RASGEF1C: variants seen among roughly 807,000 people sequenced by gnomAD.
RASGEF1C encodes the protein RasGEF domain family member 1C.
RASGEF1C carries 27 observed loss-of-function variants against 58.1 expected under a neutral mutation model. The observed-to-expected ratio is 0.46, with a 90% CI of 0.34 to 0.64. The LOEUF (loss-of-function observed/expected upper bound fraction) is 0.64, where lower values mean the gene tolerates loss of function less well. Ranked by LOEUF, RASGEF1C falls within the 30% of genes least tolerant of loss-of-function variation. The probability of loss-of-function intolerance (pLI) is 0.01; values close to 1 mark genes in which losing one functional copy is unlikely to be tolerated. For missense variants in RASGEF1C, 502 were observed against 605.1 expected (o/e 0.83, Z 1.79); for synonymous variants, 243 against 246.3 (o/e 0.99, Z 0.13).
rs377090212 is a variant in RASGEF1C, at chr5:180,115,265, C to T, written c.1084-724G>A. The T allele has an allele frequency of 7.7e-3, 3,364 of 436,384 alleles. 59 individuals are homozygous for T. Among genetic ancestry groups the T allele is most frequent in the Middle Eastern group, 0.043 (124 of 2,912 alleles). The allele number at this position is 436,384 out of a possible 1,614,324, so 27.0% of individuals were successfully genotyped here. A position where few individuals can be genotyped will look rare whatever the true frequency, so the allele number is the denominator to read the frequency against. ...TCCTGACCTTGTGATCTGCTCGCCT[C>T]GGCCTCCCAAGGTGGCCTCCTTTTT... On this transcript the variant is annotated intron_variant, in intron 10 of 13. Coordinates refer to ENST00000361132, the MANE Select transcript of RASGEF1C (RefSeq NM_175062.4).
rs372859282 is a variant in RASGEF1C at position 180,143,162 on chromosome 5, CAG to C, written c.-6-5106_-6-5105del. ...TCAGGTCTGCAGAGAGACAGGCAGA[CAG>C]GGGACAGGATCCCACGTGCCACCCT... On this transcript the variant is annotated intron_variant, in intron 1 of 13. Transcript: ENST00000361132. The surrounding 1 kb of genome is among the most constrained non-coding windows in gnomAD (Gnocchi z 4.3). 2.4e-3 allele frequency among the ~76,000 whole-genome samples: 373 copies of C among 152,272 alleles called. 1 individual carries two copies. Among genetic ancestry groups the C allele is most frequent in the African/African-American group, 4.7e-3 (197 of 41,564 alleles).
chr5:180,119,729 C>T (rs759950707), intron 7 of RASGEF1C, among the ~76,000 whole-genome samples: 7 of 152,086 alleles, frequency 4.6e-5, no homozygotes, highest in Non-Finnish European at 1.0e-4. Flanking sequence ...TCCCCTCCAG[C>T]GCCCTCCTCC....
At chr5:180,175,816 G>C (rs1381296186) in intron 1 of RASGEF1C, among the ~76,000 whole-genome samples, 1 of 152,234 alleles carries the variant, frequency 6.6e-6, no homozygotes, top group Middle Eastern at 3.4e-3. Flanking sequence ...GGCTAACCCC[G>C]TCTCTAGTAA....
intron 1 of RASGEF1C, among the ~76,000 whole-genome samples, chr5:180,196,509 A>G (rs77462188): frequency 0.08 from 12,112 of 151,736 alleles, 766 homozygotes; most frequent in African/African-American, 0.17. Flanking sequence ...AAAAAAGAAA[A>G]AAAAAGAAAA....
intron 1 of RASGEF1C, among the ~76,000 whole-genome samples, chr5:180,159,277 G>C (rs7737444): frequency 0.44 from 67,214 of 151,276 alleles, 15,134 homozygotes; most frequent in African/African-American, 0.47. Flanking sequence ...GTAGCTGGGA[G>C]TACAGGCGTG....
At chr5:180,110,281 C>G (rs945728933) in intron 12 of RASGEF1C, among the ~76,000 whole-genome samples, 1 of 152,006 alleles carries the variant, frequency 6.6e-6, no homozygotes, top group African/African-American at 2.4e-5. Flanking sequence ...AGGGAGGTGG[C>G]TACAGATAGG....
At chr5:180,129,871 GC>G (rs34409819) in intron 4 of RASGEF1C, among the ~76,000 whole-genome samples, 39,305 of 152,128 alleles carry the variant, frequency 0.26, 6,303 homozygotes, top group East Asian at 0.47. Context: ...CAGTCTGATG[GC>G]ACTTCCTTGG....
intron 10 of RASGEF1C, among the ~76,000 whole-genome samples, chr5:180,115,856 G>C (rs188868635): frequency 6.6e-6 from 1 of 152,034 alleles, no homozygotes; most frequent in Admixed American, 6.6e-5. Flanking sequence ...CACTGTGCCG[G>C]GATCAGTGGT....
chr5:180,127,648 G>C lies in RASGEF1C; in HGVS notation c.675C>G (p.Val225=). 6.2e-7 allele frequency: 1 copy of C among 1,613,338 alleles called. No individual in the cohort carries two copies. Among genetic ancestry groups the C allele is most frequent in the Non-Finnish European group, 8.5e-7 (1 of 1,179,784 alleles). Reference sequence around the variant, plus strand: ...GAGGGTCCTTGTTCACAAAGGCCTGGACAAACTCCTCAGGCCCGATGTGCC... The same window carrying C: ...GAGGGTCCTTGTTCACAAAGGCCTGCACAAACTCCTCAGGCCCGATGTGCC... The part of the protein sequence containing the change: ...RLRHIGPEEF[V]QAFVNKDPLA... Residue 225 remains valine, a synonymous_variant, in exon 6 of 14, where the codon GTC becomes GTG. Transcript: ENST00000361132.
chr5:180,176,720 C>A (rs1407341791), intron 1 of RASGEF1C, among the ~76,000 whole-genome samples: 1 of 152,080 alleles, frequency 6.6e-6, no homozygotes, highest in Non-Finnish European at 1.5e-5. Flanking sequence ...CCATGCCCGG[C>A]TAATTTTTTG....
At chr5:180,164,375 A>T (rs1476972303) in intron 1 of RASGEF1C, among the ~76,000 whole-genome samples, 2 of 152,212 alleles carry the variant, frequency 1.3e-5, no homozygotes, top group Non-Finnish European at 2.9e-5. Flanking sequence ...TCTCAAAAAT[A>T]AAAGATTTTC....
In RASGEF1C at chr5:180,137,597, A is replaced by C. The variant is rs753156029; in HGVS notation, c.293T>G (p.Leu98Arg). Residue 98 changes from leucine (L) to arginine (R), a missense_variant, in exon 3 of 14, where the codon CTG (leucine) becomes CGG (arginine). Coordinates refer to ENST00000361132, the MANE Select transcript of RASGEF1C (RefSeq NM_175062.4). This position sits in a 1 kb window ranked among gnomAD's most constrained non-coding sequence, Gnocchi z 4.1. ...GCCTGCCCTCCGCCTCACCTTGTCC[A>C]GCACCGGCTTGTCCAGCTGCTGCTG... ...IEQQQLDKPV[L>R]DKARVRKFGP... is the part of the protein sequence containing the mutation. 2 of 1,611,492 alleles carry C rather than the reference A, an allele frequency of 1.2e-6. No homozygotes were observed. The highest frequency in any genetic ancestry group is 1.7e-6 in the Non-Finnish European group (2 of 1,179,622).
intron 1 of RASGEF1C, among the ~76,000 whole-genome samples, chr5:180,166,515 CTTT>C (rs543849836): frequency 5.1e-5 from 7 of 137,878 alleles, no homozygotes; most frequent in Admixed American, 1.5e-4. Context: ...AAGAATTTTT[CTTT>C]TTTTTTTTTT....
At chr5:180,103,010 A>G (rs1423147011) in intron 12 of RASGEF1C, among the ~76,000 whole-genome samples, 13 of 152,334 alleles carry the variant, frequency 8.5e-5, no homozygotes, top group East Asian at 3.9e-4. Flanking sequence ...TACCTTTGCT[A>G]TGCAGTCTTT....
intron 1 of RASGEF1C, 111 bp downstream of exon 1, chr5:180,208,917 A>AGCCTCCC (rs530329105): frequency 4.8e-5 from 7 of 145,512 alleles, no homozygotes; most frequent in East Asian, 2.1e-4. Flanking sequence ...CGCCGCGCGC[A>AGCCTCCC]GCCTCCCGCC....
intron 1 of RASGEF1C, among the ~76,000 whole-genome samples, chr5:180,164,536 C>T (rs777636190): frequency 6.6e-6 from 1 of 152,160 alleles, no homozygotes; most frequent in Non-Finnish European, 1.5e-5. Context: ...TCCCTTGAGA[C>T]ATCCATTTTT....
Position 180,101,481 on chromosome 5 carries a change from C to T in RASGEF1C, c.*20G>A, listed in dbSNP as rs761077519. 23 of 1,609,986 alleles carry T rather than the reference C, an allele frequency of 1.4e-5. No individual in the cohort carries two copies. The highest frequency in any genetic ancestry group is 1.6e-4 in the Middle Eastern group (1 of 6,074). ...GCTTCTGCGGGCTCCAGCTCTTCCT[C>T]GTCCCTCAGCTCAGCGCTTTCATGT... On this transcript the variant is annotated 3_prime_UTR_variant, in exon 14 of 14. Coordinates refer to ENST00000361132, the MANE Select transcript of RASGEF1C (RefSeq NM_175062.4).
intron 4 of RASGEF1C, 99 bp downstream of exon 4, chr5:180,136,279 A>G (rs1159565808): frequency 9.8e-6 from 12 of 1,226,208 alleles, no homozygotes; most frequent in Non-Finnish European, 9.0e-6. Context: ...CGTGGTGTGC[A>G]GGGTGGGGAG....
intron 1 of RASGEF1C, among the ~76,000 whole-genome samples, chr5:180,165,170 A>C (rs965545334): frequency 6.6e-6 from 1 of 151,752 alleles, no homozygotes; most frequent in Non-Finnish European, 1.5e-5. Context: ...ATTTGAAATG[A>C]GTTTCTTTTT....
Sources: gnomAD v4.1 joint callset for allele counts (sites outside exome capture counted in the v4.1 genomes callset) on GRCh38, gnomAD v4.1.1 for gene constraint, Gnocchi (gnomAD v3.1) non-coding constraint, MANE v1.5 for transcripts, NCBI Gene and HGNC (gene_info 2026-07-23, HGNC 2026-07-21) for gene names.